The following GALK2 variants were observed in gnomAD, a reference collection of about 807,000 sequenced individuals.
GALK2 encodes N-acetylgalactosamine kinase.
GALK2 carries 36 observed loss-of-function variants against 52.4 expected under a neutral mutation model. That is an observed-to-expected ratio of 0.69 (90% CI 0.53 to 0.91). The LOEUF is 0.91. GALK2 is among the 40% of genes least tolerant of loss of function. The probability of loss-of-function intolerance (pLI) is 0.00; values close to 1 mark genes in which losing one functional copy is unlikely to be tolerated. For synonymous variants in GALK2, 176 were observed against 199.1 expected (o/e 0.88, Z 0.98); for missense variants, 579 against 559.1 (o/e 1.04, Z -0.36).
intron 1 of GALK2, chr15:49,170,650 A>T: frequency 2.4e-6 from 1 of 413,106 alleles, no homozygotes. Flanking sequence ...TACTCTTTCT[A>T]CTGGGCTTCA....
intron 9 of GALK2, among the ~76,000 whole-genome samples, chr15:49,324,877 C>A (rs1472363880): frequency 6.6e-6 from 1 of 152,162 alleles, no homozygotes; most frequent in Non-Finnish European, 1.5e-5. Flanking sequence ...TGGATGTGAC[C>A]TGTTCCTAAA....
intron 1 of GALK2, among the ~76,000 whole-genome samples, chr15:49,175,140 G>A (rs966608073): frequency 4.6e-5 from 7 of 152,172 alleles, no homozygotes; most frequent in East Asian, 1.9e-4. Context: ...TGTTCCCTTC[G>A]TGGCAGGTTT....
intron 5 of GALK2, among the ~76,000 whole-genome samples, chr15:49,259,662 C>G (rs867940264): frequency 2.7e-5 from 4 of 149,880 alleles, no homozygotes; most frequent in African/African-American, 9.8e-5. Context: ...ATGTGCCATG[C>G]TGGTGCGCTG....
chr15:49,260,825 TC>T (rs2092069411), intron 5 of GALK2, among the ~76,000 whole-genome samples: 1 of 152,136 alleles, frequency 6.6e-6, no homozygotes, highest in African/African-American at 2.4e-5. Context: ...AAATAGGGAA[TC>T]CTTTCCCCAT....
At chr15:49,243,161 A>G (rs149094656) in intron 5 of GALK2, among the ~76,000 whole-genome samples, 1 of 152,196 alleles carries the variant, frequency 6.6e-6, no homozygotes, top group Non-Finnish European at 1.5e-5. Context: ...CTTTGTGAGG[A>G]CTATTTAGAC....
chr15:49,277,574 G>T (rs1393989997), intron 5 of GALK2, among the ~76,000 whole-genome samples: 2 of 148,706 alleles, frequency 1.3e-5, no homozygotes, highest in African/African-American at 2.5e-5. Context: ...GAGGCGGGCG[G>T]ATCACGAGGT....
In GALK2 at chr15:49,213,872, C is replaced by T. The variant is rs186518775; in HGVS notation, c.143-3318C>T. Among the ~76,000 whole-genome samples the T allele has an allele frequency of 1.6e-3, 246 of 152,056 alleles. 1 individual carries two copies. The highest frequency in any genetic ancestry group is 5.7e-3 in the African/African-American group (237 of 41,460). On this transcript the variant is annotated intron_variant, in intron 2 of 9. Coordinates refer to ENST00000560031, the MANE Select transcript of GALK2 (RefSeq NM_002044.4). Reference sequence around the variant, plus strand: ...GTGCCTCACGCCTGTAATCCCAGCACGTTGGCAGGTGGAGGCGGGTGGATC... The same window carrying T: ...GTGCCTCACGCCTGTAATCCCAGCATGTTGGCAGGTGGAGGCGGGTGGATC...
intron 3 of GALK2, among the ~76,000 whole-genome samples, chr15:49,226,926 C>T (rs372005638): frequency 3.3e-4 from 50 of 152,170 alleles, no homozygotes; most frequent in African/African-American, 1.2e-3. Context: ...AATTTTAATC[C>T]ATTGTATCTA....
At chr15:49,262,342 T>C (rs1310651146) in intron 5 of GALK2, among the ~76,000 whole-genome samples, 1 of 152,226 alleles carries the variant, frequency 6.6e-6, no homozygotes, top group Non-Finnish European at 1.5e-5. Context: ...CTGGATTTTC[T>C]AGTTTATTTG....
At chr15:49,340,512 C>T (rs2040555492) in intron 3 of GALK2, among the ~76,000 whole-genome samples, 1 of 151,282 alleles carries the variant, frequency 6.6e-6, no homozygotes, top group South Asian at 2.1e-4. Context: ...GCAGAAGTCA[C>T]CTGTCTTCTG....
intron 1 of GALK2, among the ~76,000 whole-genome samples, chr15:49,159,585 A>T (rs1313995378): frequency 6.6e-6 from 1 of 151,856 alleles, no homozygotes; most frequent in Non-Finnish European, 1.5e-5. Context: ...CAAAAAAAAA[A>T]AAAAAAATAA....
Position 49,201,152 on chromosome 15 carries a change from T to G in GALK2, c.54-10T>G, listed in dbSNP as rs1194431333. The G allele has an allele frequency of 1.3e-6, 2 of 1,533,944 alleles. No individual in the cohort carries two copies. Among genetic ancestry groups the G allele is most frequent in the Non-Finnish European group, 1.8e-6 (2 of 1,109,074 alleles). On this transcript the variant is annotated splice_polypyrimidine_tract_variant and intron_variant, in intron 1 of 9. Transcript: ENST00000560031. ...TATGATATTCTGAAATATTGTACTTTTATTTTCAGGTTACTGAAGCTAAAG... is the reference window on the plus strand; with the variant it reads ...TATGATATTCTGAAATATTGTACTTGTATTTTCAGGTTACTGAAGCTAAAG...
At position 49,360,648 on chromosome 15, in the gene GALK2, C is replaced by A. The variant is rs76109345; in HGVS notation, c.427-6843C>A. On this transcript the variant is annotated intron_variant, in intron 3 of 3. Transcript: ENST00000558399. ...TTCTGCAGTTTAAAGATATACCATG[C>A]ATTCAGCTCTAAATCCTAGACATCA... is the stretch of plus-strand genomic sequence containing the variant. Among the ~76,000 whole-genome samples, 52 of 152,250 alleles carry A rather than the reference C, an allele frequency of 3.4e-4. No homozygotes were observed. The East Asian group carries it at 0.01, about 29-fold the overall frequency.
At chr15:49,270,935 G>C (rs74519520) in intron 5 of GALK2, among the ~76,000 whole-genome samples, 2 of 152,214 alleles carry the variant, frequency 1.3e-5, no homozygotes, top group East Asian at 3.9e-4. Context: ...CCTGCAGTTA[G>C]GACCTCAAGA....
chr15:49,241,231 GA>G (rs1324244890), intron 5 of GALK2, among the ~76,000 whole-genome samples: 1 of 152,176 alleles, frequency 6.6e-6, no homozygotes, highest in Non-Finnish European at 1.5e-5. Flanking sequence ...ATCTGGACTT[GA>G]GATGGTACAT....
chr15:49,221,598 T>A (rs1037879504), intron 3 of GALK2, among the ~76,000 whole-genome samples: 1 of 151,660 alleles, frequency 6.6e-6, no homozygotes, highest in East Asian at 1.9e-4. Flanking sequence ...GCCCAGGAGG[T>A]GGAGGTTGCA....
chr15:49,228,687 A>ATACACATATAT (rs1555409061), intron 3 of GALK2, among the ~76,000 whole-genome samples: 2 of 14,276 alleles, frequency 1.4e-4, no homozygotes, highest in South Asian at 6.8e-3. Context: ...ATATATATAT[A>ATACACATATAT]TTTTTTTTTT....
At chr15:49,179,507 A>G (rs1398038963) in intron 1 of GALK2, among the ~76,000 whole-genome samples, 1 of 152,132 alleles carries the variant, frequency 6.6e-6, no homozygotes, top group East Asian at 1.9e-4. Flanking sequence ...TAGCTCCTGA[A>G]ATTTTAATTC....
At chr15:49,274,929 C>A (rs1341573351) in intron 5 of GALK2, among the ~76,000 whole-genome samples, 1 of 152,110 alleles carries the variant, frequency 6.6e-6, no homozygotes, top group East Asian at 1.9e-4. Flanking sequence ...CTTCTTCTGG[C>A]ATACCTCCCG....
Sources: gnomAD v4.1 joint callset for allele counts (sites outside exome capture counted in the v4.1 genomes callset) on GRCh38, gnomAD v4.1.1 for gene constraint, MANE v1.5 for transcripts, NCBI Gene and HGNC (gene_info 2026-07-23, HGNC 2026-07-21) for gene names.